Variants in NPAS3 observed in about 807,000 individuals in gnomAD.
The protein encoded by NPAS3 is neuronal PAS domain-containing protein 3.
In NPAS3, 14 loss-of-function variants were observed where a neutral mutation model predicts 73.1. The ratio of observed to expected loss-of-function variants is 0.19; its 90% CI spans 0.13 to 0.30. The LOEUF is 0.30. Ranked by LOEUF, NPAS3 falls within the 10% of genes least tolerant of loss-of-function variation. The probability of loss-of-function intolerance (pLI) is 1.00; values close to 1 mark genes in which losing one functional copy is unlikely to be tolerated. For missense variants in NPAS3, 1,096 were observed against 1,250.0 expected, an observed-to-expected ratio of 0.88 and a Z score of 1.86; for synonymous variants, 620 against 541.5, an observed-to-expected ratio of 1.14 and a Z score of -2.01.
chr14:33,596,087 G>C (rs977906046), intron 5 of NPAS3, among the ~76,000 whole-genome samples: 1 of 152,170 alleles, frequency 6.6e-6, no homozygotes, highest in Admixed American at 6.5e-5. Flanking sequence ...TGGTAAACAA[G>C]GAAGTGTACG....
Position 33,721,575 on chromosome 14 carries a change from AC to A in NPAS3, c.734-13637del, listed in dbSNP as rs543535213. 2.3e-4 allele frequency among the ~76,000 whole-genome samples: 35 copies of A among 152,312 alleles called. No homozygotes were observed. The South Asian group carries it at 6.6e-3, about 29-fold the overall frequency. ...AGTTAACATTAGTAGTAATCATAAT[AC>A]CTGTGTATTATTTGCACAATGAATC... On this transcript the variant is annotated intron_variant, in intron 6 of 11. Transcript: ENST00000356141.
intron 5 of NPAS3, among the ~76,000 whole-genome samples, chr14:33,618,228 A>G (rs1194945249): frequency 1.3e-5 from 2 of 152,106 alleles, no homozygotes; most frequent in African/African-American, 4.8e-5. Flanking sequence ...TGGTTTTGGG[A>G]TGATTCAAGC....
intron 6 of NPAS3, among the ~76,000 whole-genome samples, chr14:33,698,046 C>T (rs958542479): frequency 2.1e-4 from 32 of 152,326 alleles, no homozygotes; most frequent in African/African-American, 7.2e-4. Flanking sequence ...GCTCATGCAT[C>T]CGATGGTCTG....
At chr14:32,990,839 A>G in intron 1 of NPAS3, among the ~76,000 whole-genome samples, 1 of 149,956 alleles carries the variant, frequency 6.7e-6, no homozygotes. Flanking sequence ...AAGTGGGAGG[A>G]TCACTTGATC....
rs902530820 is a variant in NPAS3 at position 33,568,579 on chromosome 14, GA to G, written c.558+8374del. Among the ~76,000 whole-genome samples, 22 of 152,172 alleles carry G rather than the reference GA, an allele frequency of 1.4e-4. No homozygotes were observed. The South Asian group carries it at 2.1e-3, about 14-fold the overall frequency. ...AGTGAATGCAAACTGCTCATATGAA[GA>G]AAAAGAAATAACTTGACCTTCTGGG... On this transcript the variant is annotated intron_variant, in intron 5 of 11. Coordinates refer to ENST00000356141, the Ensembl canonical transcript of NPAS3.
chr14:33,536,656 G>C (rs1305238953), intron 4 of NPAS3, among the ~76,000 whole-genome samples: 8 of 151,404 alleles, frequency 5.3e-5, no homozygotes, highest in Admixed American at 5.3e-4. Flanking sequence ...TTGAGAACTG[G>C]TTTTCATTGT....
intron 3 of NPAS3, among the ~76,000 whole-genome samples, chr14:33,290,265 G>A (rs2042046874): frequency 6.6e-6 from 1 of 152,118 alleles, no homozygotes; most frequent in African/African-American, 2.4e-5. Flanking sequence ...CTAGAGATAT[G>A]AGCATGCTTT....
chr14:33,124,652 A>T (rs554396859), intron 2 of NPAS3, among the ~76,000 whole-genome samples: 1 of 152,298 alleles, frequency 6.6e-6, no homozygotes, highest in African/African-American at 2.4e-5. Context: ...AACAAAAATG[A>T]AAGCTATCTG....
chr14:33,580,445 G>A (rs1297116098), intron 5 of NPAS3, among the ~76,000 whole-genome samples: 3 of 152,188 alleles, frequency 2.0e-5, no homozygotes, highest in African/African-American at 7.2e-5. Context: ...GGAACTGTGT[G>A]AGGCCAGACG....
intron 4 of NPAS3, among the ~76,000 whole-genome samples, chr14:33,492,230 T>C (rs191323471): frequency 1.2e-4 from 19 of 152,272 alleles, no homozygotes; most frequent in Admixed American, 1.2e-3. Context: ...CAGTGAGAAC[T>C]GTTAACACCC....
intron 7 of NPAS3, among the ~76,000 whole-genome samples, chr14:33,740,790 T>C (rs1269551589): frequency 2.0e-5 from 3 of 152,246 alleles, no homozygotes; most frequent in Admixed American, 2.0e-4. Context: ...CATGCTAGCC[T>C]GTGGTGATCA....
At chr14:33,410,368 G>A (rs555524238) in intron 4 of NPAS3, among the ~76,000 whole-genome samples, 1 of 152,196 alleles carries the variant, frequency 6.6e-6, no homozygotes, top group Non-Finnish European at 1.5e-5. Context: ...GAGTATTTCA[G>A]GCTCTTTTTC....
chr14:33,580,291 G>T (rs553469622), intron 5 of NPAS3, among the ~76,000 whole-genome samples: 9 of 152,114 alleles, frequency 5.9e-5, no homozygotes, highest in Non-Finnish European at 1.2e-4. Context: ...CTGGGCAAAA[G>T]AAGCTGCCAA....
rs114255679 is a variant in NPAS3, at chr14:33,792,827, C to T, written c.1154-1070C>T. 6.1e-3 allele frequency among the ~76,000 whole-genome samples: 930 copies of T among 152,292 alleles called. 10 individuals carry two copies. The highest frequency in any genetic ancestry group is 0.022 in the African/African-American group (895 of 41,562). On this transcript the variant is annotated intron_variant, in intron 9 of 11. Coordinates refer to ENST00000356141, the Ensembl canonical transcript of NPAS3. ...TTCAGCAGACGGAGGCAAGGACATG[C>T]CAAAAGTGGGCGACGTAGATGAGTG... is the stretch of plus-strand genomic sequence containing the variant.
Position 33,262,093 on chromosome 14 carries a change from T to C in NPAS3, c.385+46667T>C, listed in dbSNP as rs182628569. Among the ~76,000 whole-genome samples the C allele has an allele frequency of 7.2e-5, 11 of 152,256 alleles. No individual in the cohort carries two copies. In the East Asian group the frequency reaches 1.7e-3, roughly 24 times the overall value. ...TTAAGCCTGATGTATTCCAAAGATA[T>C]AAGTAGAGAGGACAATTTTTAACAA... On this transcript the variant is annotated intron_variant, in intron 3 of 11. Transcript: ENST00000356141.
intron 1 of NPAS3, among the ~76,000 whole-genome samples, chr14:32,986,037 C>A (rs562960916): frequency 6.6e-6 from 1 of 152,316 alleles, no homozygotes; most frequent in South Asian, 2.1e-4. Context: ...ATGGGCGCCG[C>A]TGTGAGGATT....
chr14:32,942,024 AAGTG>A (rs1353789949), intron 1 of NPAS3, among the ~76,000 whole-genome samples: 1 of 152,182 alleles, frequency 6.6e-6, no homozygotes, highest in Non-Finnish European at 1.5e-5. Flanking sequence ...TGCTTCAAGT[AAGTG>A]AGTAATTCCA....
intron 2 of NPAS3, among the ~76,000 whole-genome samples, chr14:33,167,322 G>C (rs1481017612): frequency 6.6e-6 from 1 of 152,032 alleles, no homozygotes; most frequent in Admixed American, 6.6e-5. Flanking sequence ...CTAGAGAGAG[G>C]GCTCCCAGGG....
intron 9 of NPAS3, among the ~76,000 whole-genome samples, chr14:33,785,239 G>T (rs1203905126): frequency 6.6e-6 from 1 of 151,484 alleles, no homozygotes; most frequent in Non-Finnish European, 1.5e-5. Flanking sequence ...TTCGAGACCA[G>T]CCTGGCCAAC....
Sources: allele counts gnomAD v4.1 joint callset (sites outside exome capture counted in the v4.1 genomes callset), GRCh38; gene constraint gnomAD v4.1.1; transcripts MANE v1.5; gene names NCBI Gene and HGNC (gene_info 2026-07-23, HGNC 2026-07-21).